The following FRG1 variants were observed in gnomAD, a reference collection of about 807,000 sequenced individuals.
FRG1 encodes FSHD region gene 1, also known as protein FRG1.
Under a neutral mutation model 37.0 loss-of-function variants are expected in FRG1, and 19 were observed. The ratio of observed to expected loss-of-function variants is 0.51; its 90% CI spans 0.36 to 0.75. The LOEUF (loss-of-function observed/expected upper bound fraction) is 0.75. Among genes scored for constraint, FRG1 ranks in the 30% least tolerant of loss-of-function variants. The pLI is 0.00. For missense variants in FRG1, 243 were observed against 301.4 expected (o/e 0.81, Z 1.44); for synonymous variants, 73 against 96.5 (o/e 0.76, Z 1.43).
chr4:189,952,447 T>G (rs1262701208), intron 3 of FRG1, among the ~76,000 whole-genome samples, 160 bp downstream of exon 3: 3 of 152,248 alleles, frequency 2.0e-5, no homozygotes, highest in African/African-American at 4.8e-5. Flanking sequence ...TACCAGCCAT[T>G]GGCAAGTCCC....
At chr4:189,954,344 C>G (rs1172676346) in intron 4 of FRG1, among the ~76,000 whole-genome samples, 4 of 151,776 alleles carry the variant, frequency 2.6e-5, no homozygotes, top group East Asian at 1.9e-4. Context: ...GGAATTTTTT[C>G]TAAGGATAAA....
At chr4:189,951,388 A>C (rs186689616) in intron 2 of FRG1, among the ~76,000 whole-genome samples, 1 of 151,722 alleles carries the variant, frequency 6.6e-6, no homozygotes, top group Admixed American at 6.6e-5. Flanking sequence ...CTACTCGGGA[A>C]GCTGAGGCAG....
intron 8 of FRG1, among the ~76,000 whole-genome samples, chr4:189,962,165 TTGAC>T (rs1207282425): frequency 1.2e-4 from 19 of 152,198 alleles, no homozygotes; most frequent in Non-Finnish European, 2.9e-5. Context: ...AAATTCAGGT[TTGAC>T]TGTATCTACT....
chr4:189,943,263 G>A lies in FRG1; in HGVS notation c.124G>A (p.Asp42Asn), dbSNP rs773730545. ...KREEDEETQL[D>N]IVGIWWTVTN... ...AGAAGAAGATGAAGAAACCCAGCTTGATATTGTTGGTGAGTCAGTTTTCAG... is the reference window on the plus strand; with the variant it reads ...AGAAGAAGATGAAGAAACCCAGCTTAATATTGTTGGTGAGTCAGTTTTCAG... The change falls in exon 2 of 9, where the codon GAT becomes AAT. Residue 42 changes from aspartate (D) to asparagine (N), a missense_variant. By Grantham distance (23) the Asp-to-Asn change is conservative. This residue lies in a region of FRG1 where 110 missense variants were observed against 102.2 expected (regional missense o/e 1.08). Transcript: ENST00000226798. 1.2e-6 allele frequency: 2 copies of A among 1,608,016 alleles called. No individual in the cohort carries two copies. The highest frequency in any genetic ancestry group is 1.1e-5 in the South Asian group (1 of 89,304).
chr4:189,948,502 T>C (rs1349853911), intron 2 of FRG1, among the ~76,000 whole-genome samples: 2 of 152,194 alleles, frequency 1.3e-5, no homozygotes, highest in South Asian at 2.1e-4. Flanking sequence ...GAAAATTCCA[T>C]TTCCAAATCT....
intron 1 of FRG1, among the ~76,000 whole-genome samples, chr4:189,942,907 A>G (rs890746561): frequency 2.6e-5 from 4 of 152,164 alleles, no homozygotes; most frequent in African/African-American, 7.2e-5. Context: ...AAGTGGGGAA[A>G]CTGACTCAGA....
chr4:189,959,494 A>G (rs1737137486), intron 6 of FRG1, among the ~76,000 whole-genome samples: 1 of 152,228 alleles, frequency 6.6e-6, no homozygotes, highest in African/African-American at 2.4e-5. Context: ...GGCCACTCTC[A>G]ATATTTCATA....
Position 189,955,077 on chromosome 4 carries a change from A to G in FRG1, c.358A>G (p.Asn120Asp). The change falls in exon 5 of 9, where the codon AAT (asparagine) becomes GAT (aspartate). Residue 120 changes from asparagine (N) to aspartate (D), a missense_variant. This residue lies in a region of FRG1 where 133 missense variants were observed against 199.3 expected (regional missense o/e 0.67). Coordinates refer to ENST00000226798, the MANE Select transcript of FRG1 (RefSeq NM_004477.3). Reference sequence around the variant, plus strand: ...TGGCTATGGAAAATATCTTGGTATAAATTCAGATGGACTTGTTGTTGGGCG... The same window carrying G: ...TGGCTATGGAAAATATCTTGGTATAGATTCAGATGGACTTGTTGTTGGGCG... ...KSGYGKYLGI[N>D]SDGLVVGRSD... The G allele has an allele frequency of 1.2e-6, 2 of 1,613,546 alleles. No individual in the cohort carries two copies. Among genetic ancestry groups the G allele is most frequent in the Non-Finnish European group, 1.7e-6 (2 of 1,179,498 alleles).
intron 2 of FRG1, among the ~76,000 whole-genome samples, chr4:189,945,660 G>A (rs1309030916): frequency 6.6e-6 from 1 of 150,756 alleles, no homozygotes; most frequent in Non-Finnish European, 1.5e-5. Flanking sequence ...TGTGTTTTTT[G>A]TTTTTTTTTA....
At chr4:189,943,026 T>C (rs1561062040) in intron 1 of FRG1, among the ~76,000 whole-genome samples, 176 bp from the exon 2 acceptor site, 1 of 152,198 alleles carries the variant, frequency 6.6e-6, no homozygotes. Context: ...ACGTAATATG[T>C]GCAAAGCCTG....
At chr4:189,945,913 G>T (rs1342091068) in intron 2 of FRG1, among the ~76,000 whole-genome samples, 2 of 152,060 alleles carry the variant, frequency 1.3e-5, no homozygotes, top group Non-Finnish European at 2.9e-5. Flanking sequence ...TTTGGTTTTA[G>T]TTTTTTGTGG....
Position 189,940,889 on chromosome 4 carries a change from A to T in FRG1, c.-121A>T. ...ACGGAGGCGGGTTCTACAGAGACGTAGGCTGTCAGGGAGTGTTTATTTCGC... is the reference window on the plus strand; with the variant it reads ...ACGGAGGCGGGTTCTACAGAGACGTTGGCTGTCAGGGAGTGTTTATTTCGC... On this transcript the variant is annotated 5_prime_UTR_variant, in exon 1 of 9. Transcript: ENST00000226798. The T allele has an allele frequency of 1.5e-6, 1 of 688,772 alleles. No homozygotes were observed. The highest frequency in any genetic ancestry group is 2.5e-6 in the Non-Finnish European group (1 of 393,108). The allele number at this position is 688,772 out of a possible 1,614,324, so 42.7% of individuals were successfully genotyped here.
intron 2 of FRG1, among the ~76,000 whole-genome samples, chr4:189,947,775 C>T (rs1736591580): frequency 6.6e-6 from 1 of 152,224 alleles, no homozygotes; most frequent in African/African-American, 2.4e-5. Context: ...GTAGTTCCCT[C>T]TTCTCCAGTA....
intron 2 of FRG1, among the ~76,000 whole-genome samples, chr4:189,948,880 T>TG (rs1736640224): frequency 6.6e-6 from 1 of 152,246 alleles, no homozygotes; most frequent in African/African-American, 2.4e-5. Flanking sequence ...TTTGTAGAGA[T>TG]GGGGGTCTCC....
Position 189,941,036 on chromosome 4 carries a change from T to C in FRG1, c.27T>C (p.Ser9=). Residue 9 remains serine (S), a synonymous_variant, in exon 1 of 9, where the codon TCT becomes TCC. Coordinates refer to ENST00000226798, the MANE Select transcript of FRG1 (RefSeq NM_004477.3). MAEYSYVK[S]TKLVLKGTKT... ...TGGCCGAGTACTCCTACGTGAAGTC[T>C]ACCAAGCTCGTGCTCAAGGGAACCA... 6.2e-7 allele frequency: 1 copy of C among 1,614,124 alleles called. No homozygotes were observed. Among genetic ancestry groups the C allele is most frequent in the Non-Finnish European group, 8.5e-7 (1 of 1,179,960 alleles).
chr4:189,946,226 A>G (rs1317678158), intron 2 of FRG1, among the ~76,000 whole-genome samples: 1 of 151,684 alleles, frequency 6.6e-6, no homozygotes, highest in Non-Finnish European at 1.5e-5. Context: ...GGTGTATTCA[A>G]TCTTTTAGCT....
intron 2 of FRG1, 49 bp from the exon 3 acceptor site, chr4:189,952,113 C>T: frequency 7.3e-7 from 1 of 1,370,070 alleles, no homozygotes; most frequent in South Asian, 1.4e-5. Context: ...AAAAAGAACT[C>T]TGTGTCAAAA....
Position 189,952,147 on chromosome 4 carries a change from G to T in FRG1, c.134-15G>T. The T allele has an allele frequency of 6.6e-7, 1 of 1,521,680 alleles. No homozygotes were observed. Among genetic ancestry groups the T allele is most frequent in the Non-Finnish European group, 8.9e-7 (1 of 1,128,362 alleles). The allele number at this position is 1,521,680 out of a possible 1,614,324, so 94.3% of individuals were successfully genotyped here. A position where few individuals can be genotyped will look rare whatever the true frequency, so the allele number is the denominator to read the frequency against. On this transcript the variant is annotated splice_polypyrimidine_tract_variant and intron_variant, in intron 2 of 8. Transcript: ENST00000226798. ...AACTAAAATATAAAGTTGAAATATT[G>T]ATTTTATTTTTTAGGAATCTGGTGG... is the stretch of plus-strand genomic sequence containing the variant.
Position 189,952,361 on chromosome 4 carries a change from A to G in FRG1, c.259+74A>G, listed in dbSNP as rs1736792980. 3 of 1,353,338 alleles carry G rather than the reference A, an allele frequency of 2.2e-6. No homozygotes were observed. The African/African-American group carries it at 4.4e-5, about 20-fold the overall frequency. 83.8% of individuals were successfully genotyped at this position (1,353,338 alleles called of 1,614,324 possible). A position where few individuals can be genotyped will look rare whatever the true frequency, so the allele number is the denominator to read the frequency against. ...ATTCATTCACTTAGGCCAAACTCTA[A>G]CTAGTCTCAAACATTTTCCAAAGGA... is the stretch of plus-strand genomic sequence containing the variant. On this transcript the variant is annotated intron_variant, in intron 3 of 8. Coordinates refer to ENST00000226798, the MANE Select transcript of FRG1 (RefSeq NM_004477.3).
Sources: allele counts gnomAD v4.1 joint callset (sites outside exome capture counted in the v4.1 genomes callset), GRCh38; gene constraint gnomAD v4.1.1; regional missense constraint gnomAD v4.1.1; transcripts MANE v1.5; gene names NCBI Gene and HGNC (gene_info 2026-07-23, HGNC 2026-07-21).